The following TPST1 variants were observed in gnomAD, a reference collection of about 807,000 sequenced individuals.
TPST1 encodes protein-tyrosine sulfotransferase 1.
Under a neutral mutation model 34.8 loss-of-function variants are expected in TPST1, and 20 were observed. The ratio of observed to expected loss-of-function variants is 0.57; its 90% CI spans 0.40 to 0.84. TPST1 has a LOEUF of 0.84. Ranked by LOEUF, TPST1 falls within the 40% of genes least tolerant of loss-of-function variation. The pLI, the probability that TPST1 is intolerant of heterozygous loss-of-function variation, is 0.00. For synonymous variants in TPST1, 152 were observed against 159.4 expected (o/e 0.95, Z 0.35); for missense variants, 353 against 455.5 (o/e 0.78, Z 2.05).
intron 1 of TPST1, among the ~76,000 whole-genome samples, chr7:66,217,519 G>C (rs1190151150): frequency 6.6e-6 from 1 of 152,154 alleles, no homozygotes; most frequent in Non-Finnish European, 1.5e-5. Context: ...CTGTTTGCAT[G>C]ATATATCTTT....
At chr7:66,199,820 C>G in the TPST1 span, among the ~76,000 whole-genome samples, 2 of 151,444 alleles carry the variant, frequency 1.3e-5, no homozygotes, top group African/African-American at 4.8e-5. Context: ...TTCAAGGAAT[C>G]TGACTGCCTC....
At chr7:66,312,856 A>G (rs1403952041) in intron 3 of TPST1, among the ~76,000 whole-genome samples, 1 of 152,200 alleles carries the variant, frequency 6.6e-6, no homozygotes. Context: ...ATAGAGATTT[A>G]ACTGGTGACT....
At chr7:66,263,808 G>A (rs1039183315) in intron 2 of TPST1, among the ~76,000 whole-genome samples, 2 of 152,140 alleles carry the variant, frequency 1.3e-5, no homozygotes, top group African/African-American at 2.4e-5. Context: ...GTAAAGAAGT[G>A]TAAAATTTTA....
At chr7:66,347,240 G>A (rs1332836523) in intron 3 of TPST1, among the ~76,000 whole-genome samples, 9 of 151,408 alleles carry the variant, frequency 5.9e-5, no homozygotes, top group East Asian at 1.9e-4. Flanking sequence ...GCTAATTTTT[G>A]TATTTTGAGT....
rs146039280 is a variant in TPST1, at chr7:66,264,652, TA to T, written c.846-21858del. Among the ~76,000 whole-genome samples, 312 of 152,222 alleles carry T rather than the reference TA, an allele frequency of 2.0e-3. 2 individuals are homozygous for T. Among genetic ancestry groups the T allele is most frequent in the African/African-American group, 7.3e-3 (305 of 41,526 alleles). On this transcript the variant is annotated intron_variant, in intron 2 of 5. Transcript: ENST00000304842. The stretch of plus-strand genomic sequence containing the variant: ...TTTGATAAGTCTTGAAACAAACAAC[TA>T]CAACAATAAGCAGCAACAAAAAATT...
In TPST1 at chr7:66,332,669, T is replaced by TG. The variant is rs903400173; in HGVS notation, c.1045-19829dup. Among the ~76,000 whole-genome samples, 11 of 152,106 alleles carry TG rather than the reference T, an allele frequency of 7.2e-5. No homozygotes were observed. The highest frequency in any genetic ancestry group is 1.9e-4 in the African/African-American group (8 of 41,486). On this transcript the variant is annotated intron_variant, in intron 3 of 5. Transcript: ENST00000304842. The surrounding 1 kb of genome is among the most constrained non-coding windows in gnomAD (Gnocchi z 4.5). The stretch of plus-strand genomic sequence containing the variant: ...CAACTAACCATGGACTGAAAATATG[T>TG]GGGGGGGAAATGATGCTTACATCTG...
intron 1 of TPST1, among the ~76,000 whole-genome samples, chr7:66,207,140 T>C (rs1789147382): frequency 6.6e-6 from 1 of 152,210 alleles, no homozygotes. Context: ...GCAAAAATCA[T>C]ATAACTAAAC....
At chr7:66,353,236 G>A (rs987972388) in intron 4 of TPST1, among the ~76,000 whole-genome samples, 5 of 152,124 alleles carry the variant, frequency 3.3e-5, no homozygotes, top group Admixed American at 1.3e-4. Context: ...CACATGAACC[G>A]GGAGGTGGAG....
intron 2 of TPST1, among the ~76,000 whole-genome samples, chr7:66,242,379 C>A (rs1790054234): frequency 6.6e-6 from 1 of 152,124 alleles, no homozygotes; most frequent in East Asian, 1.9e-4. Context: ...GCCCTTCTTA[C>A]TTTCACCAAG....
chr7:66,286,297 A>G (rs912329886), intron 2 of TPST1, among the ~76,000 whole-genome samples: 2 of 152,086 alleles, frequency 1.3e-5, no homozygotes, highest in African/African-American at 2.4e-5. Flanking sequence ...CCTTTTCCCA[A>G]TTTCTAGAAA....
intron 3 of TPST1, among the ~76,000 whole-genome samples, chr7:66,301,396 G>A (rs1038454705): frequency 1.3e-5 from 2 of 152,202 alleles, no homozygotes; most frequent in African/African-American, 4.8e-5. Flanking sequence ...CCACTTGTGT[G>A]TTCATTGGAG....
chr7:66,335,879 TAAAC>T (rs1295464102), intron 3 of TPST1, among the ~76,000 whole-genome samples: 1 of 152,088 alleles, frequency 6.6e-6, no homozygotes, highest in Non-Finnish European at 1.5e-5. Flanking sequence ...AGCATCAACA[TAAAC>T]AAGCAATGAT....
Position 66,357,743 on chromosome 7 carries a change from TG to T in TPST1, c.*29+873del, listed in dbSNP as rs1166707608. On this transcript the variant is annotated intron_variant, in intron 5 of 5. Coordinates refer to ENST00000304842, the MANE Select transcript of TPST1 (RefSeq NM_003596.4). Reference sequence around the variant, plus strand: ...TTCTTAAGATCAGTTTTGCTCCAAATGATGTGGCAAAGCCTTTGATCAGTTG... The same window carrying T: ...TTCTTAAGATCAGTTTTGCTCCAAATATGTGGCAAAGCCTTTGATCAGTTG... Among the ~76,000 whole-genome samples the T allele has an allele frequency of 5.3e-5, 8 of 152,326 alleles. No individual in the cohort carries two copies. The South Asian group carries it at 1.4e-3, about 28-fold the overall frequency.
intron 3 of TPST1, among the ~76,000 whole-genome samples, chr7:66,349,109 A>G (rs1456570554): frequency 6.6e-6 from 1 of 152,194 alleles, no homozygotes; most frequent in African/African-American, 2.4e-5. Context: ...GTGGGATGCA[A>G]TGAGTGTGGT....
chr7:66,212,971 C>T (rs1198294815), intron 1 of TPST1, among the ~76,000 whole-genome samples: 1 of 152,052 alleles, frequency 6.6e-6, no homozygotes, highest in Non-Finnish European at 1.5e-5. Context: ...ATCCTTTCTC[C>T]CCAACTGCTT....
intron 2 of TPST1, among the ~76,000 whole-genome samples, chr7:66,246,080 A>G (rs1790140913): frequency 1.3e-5 from 2 of 150,724 alleles, no homozygotes; most frequent in South Asian, 4.2e-4. Context: ...GCAAGATTGT[A>G]GCTCACTGCA....
intron 3 of TPST1, among the ~76,000 whole-genome samples, chr7:66,300,115 C>G (rs1358422605): frequency 6.6e-6 from 1 of 152,164 alleles, no homozygotes; most frequent in African/African-American, 2.4e-5. Context: ...AAGTCATAAT[C>G]ATTTTGCTGG....
intron 4 of TPST1, among the ~76,000 whole-genome samples, chr7:66,353,475 A>T (rs1434260581): frequency 1.3e-5 from 2 of 152,050 alleles, no homozygotes; most frequent in African/African-American, 2.4e-5. Flanking sequence ...TCTCAAAAAT[A>T]AAAAAAATTA....
intron 1 of TPST1, among the ~76,000 whole-genome samples, chr7:66,208,086 G>T (rs181579719): frequency 6.6e-6 from 1 of 151,916 alleles, no homozygotes; most frequent in African/African-American, 2.4e-5. Flanking sequence ...GCTGGAATTG[G>T]TTCCATTTCT....
Sources: gnomAD v4.1 joint callset for allele counts (sites outside exome capture counted in the v4.1 genomes callset) on GRCh38, gnomAD v4.1.1 for gene constraint, Gnocchi (gnomAD v3.1) non-coding constraint, MANE v1.5 for transcripts, NCBI Gene and HGNC (gene_info 2026-07-23, HGNC 2026-07-21) for gene names.